The following CASK variants were observed in gnomAD, a reference collection of about 807,000 sequenced individuals.
CASK encodes calcium/calmodulin dependent serine protein kinase, also known as peripheral plasma membrane protein CASK.
Under a neutral mutation model 82.9 loss-of-function variants are expected in CASK, and 4 were observed. That is an observed-to-expected ratio of 0.05 (90% CI 0.02 to 0.11). CASK has a LOEUF of 0.11. CASK is among the 10% of genes least tolerant of loss of function. The pLI is 1.00. For synonymous variants in CASK, 259 were observed against 253.5 expected (o/e 1.02, Z -0.20); for missense variants, 358 against 720.9 (o/e 0.50, Z 5.76).
At chrX:41,912,280 A>G (rs1385782634) in intron 1 of CASK, among the ~76,000 whole-genome samples, 2 of 100,774 alleles carry the variant, frequency 2.0e-5, no homozygotes, top group Non-Finnish European at 4.0e-5. Context: ...CTCACTGGAC[A>G]GTTTTTTTGT....
chrX:41,652,698 T>C (rs1169396130), intron 8 of CASK, among the ~76,000 whole-genome samples: 1 of 112,116 alleles, frequency 8.9e-6, no homozygotes, highest in African/African-American at 3.2e-5. Context: ...AGTTTCCGGA[T>C]AGCTGCACAC....
chrX:41,564,802 C>A (rs775229185), intron 16 of CASK, among the ~76,000 whole-genome samples: 1 of 111,447 alleles, frequency 9.0e-6, no homozygotes, highest in African/African-American at 3.3e-5. Context: ...CACCACACTG[C>A]ACTTATTCTA....
At chrX:41,881,341 A>G (rs1195252704) in intron 1 of CASK, among the ~76,000 whole-genome samples, 1 of 111,002 alleles carries the variant, frequency 9.0e-6, no homozygotes, top group Non-Finnish European at 1.9e-5. Flanking sequence ...AAGGTGAATC[A>G]CTCCCTTGAT....
intron 1 of CASK, among the ~76,000 whole-genome samples, chrX:41,875,252 C>G (rs2071790324): frequency 8.9e-6 from 1 of 112,026 alleles, no homozygotes; most frequent in Non-Finnish European, 1.9e-5. Context: ...CATGGAAATA[C>G]TCTTTGGTTT....
chrX:41,730,308 A>G (rs2068370721), intron 5 of CASK, among the ~76,000 whole-genome samples: 2 of 111,467 alleles, frequency 1.8e-5, no homozygotes, highest in Non-Finnish European at 3.8e-5. Flanking sequence ...ATTGCCCAAG[A>G]GCCATGTGTT....
rs188085172 is a variant in CASK at position 41,737,997 on chromosome X, C to T, written c.429+1387G>A. ...ATAACTGAAGAATACTTTTTTGAGA[C>T]GGAGTCTCGCTCTGTCGCCCAGGCT... On this transcript the variant is annotated intron_variant, in intron 5 of 26. Coordinates refer to ENST00000378163, the MANE Select transcript of CASK (RefSeq NM_001367721.1). Among the ~76,000 whole-genome samples the T allele has an allele frequency of 2.1e-3, 237 of 113,099 alleles. 4 individuals are homozygous for T. Among genetic ancestry groups the T allele is most frequent in the African/African-American group, 7.3e-3 (227 of 31,230 alleles).
intron 3 of CASK, among the ~76,000 whole-genome samples, chrX:41,767,519 A>T (rs1453608161): frequency 8.9e-6 from 1 of 111,958 alleles, no homozygotes; most frequent in Non-Finnish European, 1.9e-5. Context: ...TCCAGACTTT[A>T]CCTGGACTTC....
At chrX:41,873,459 A>C in intron 1 of CASK, among the ~76,000 whole-genome samples, 1 of 111,708 alleles carries the variant, frequency 9.0e-6, no homozygotes, top group Non-Finnish European at 1.9e-5. Context: ...CTGTTGTGCA[A>C]TTCATTGCAG....
chrX:41,555,556 A>C (rs1171218955), intron 20 of CASK, 44 bp downstream of exon 20: 2 of 1,034,240 alleles, frequency 1.9e-6, no homozygotes, highest in Non-Finnish European at 2.7e-6. Context: ...ATTGGCTATT[A>C]GCTGCTCAGT....
chrX:41,589,779 A>C, intron 12 of CASK, 187 bp from the exon 13 acceptor site: 1 of 402,518 alleles, frequency 2.5e-6, no homozygotes, highest in Non-Finnish European at 4.3e-6. Flanking sequence ...AGTCTTATGC[A>C]TATCTTTTCA....
intron 5 of CASK, among the ~76,000 whole-genome samples, chrX:41,737,464 C>T (rs1243669216): frequency 6.2e-5 from 7 of 112,175 alleles, no homozygotes; most frequent in East Asian, 5.6e-4. Context: ...TATCTCCCTA[C>T]TGAGACCATA....
At chrX:41,755,729 C>T (rs1046858595) in intron 3 of CASK, among the ~76,000 whole-genome samples, 7 of 111,541 alleles carry the variant, frequency 6.3e-5, no homozygotes, top group Non-Finnish European at 9.4e-5. Context: ...CCAAAATAAT[C>T]TAAGTTAAAA....
chrX:41,912,690 G>A (rs1252095766), intron 1 of CASK, among the ~76,000 whole-genome samples: 1 of 105,944 alleles, frequency 9.4e-6, no homozygotes, highest in African/African-American at 3.4e-5. Flanking sequence ...TAATCGCAGC[G>A]CTTTGGGAGG....
chrX:41,906,284 C>T (rs1399421328), intron 1 of CASK, among the ~76,000 whole-genome samples: 1 of 111,952 alleles, frequency 8.9e-6, no homozygotes, highest in Non-Finnish European at 1.9e-5. Context: ...AGAATCCTGA[C>T]CTAATGAAGC....
intron 2 of CASK, among the ~76,000 whole-genome samples, chrX:41,848,345 A>G (rs1250612972): frequency 2.7e-5 from 3 of 112,136 alleles, no homozygotes; most frequent in African/African-American, 9.7e-5. Flanking sequence ...AGGGGGGTGG[A>G]TCCCTCATGA....
At chrX:41,690,676 T>TA (rs767358042) in intron 5 of CASK, among the ~76,000 whole-genome samples, 51 of 99,964 alleles carry the variant, frequency 5.1e-4, no homozygotes, top group East Asian at 4.2e-3. Flanking sequence ...TTTTTTTTTT[T>TA]ATGTTCTTTT....
chrX:41,621,033 C>T (rs769632123), intron 11 of CASK, among the ~76,000 whole-genome samples: 1 of 110,559 alleles, frequency 9.0e-6, no homozygotes, highest in African/African-American at 3.3e-5. Flanking sequence ...TATTAAGTAC[C>T]CACTCGTGTA....
chrX:41,783,439 C>T (rs778035053), intron 3 of CASK, among the ~76,000 whole-genome samples: 12 of 107,481 alleles, frequency 1.1e-4, no homozygotes, highest in Admixed American at 2.0e-4. Context: ...GTGACCTGTG[C>T]CTGGGAGGCT....
rs186295570 is a variant in CASK, at chrX:41,563,976, A to G, written c.1583-2332T>C. On this transcript the variant is annotated intron_variant, in intron 16 of 26. Transcript: ENST00000378163. Reference sequence around the variant, plus strand: ...TAACTTTGAAACTAAAATCAGAGAAATACAAGAGAGGAAAATTAACTACGG... The same window carrying G: ...TAACTTTGAAACTAAAATCAGAGAAGTACAAGAGAGGAAAATTAACTACGG... Among the ~76,000 whole-genome samples the G allele has an allele frequency of 5.4e-5, 6 of 112,054 alleles. No individual in the cohort carries two copies. The Admixed American group carries it at 5.7e-4, about 11-fold the overall frequency.
Sources: allele counts gnomAD v4.1 joint callset (sites outside exome capture counted in the v4.1 genomes callset), GRCh38; gene constraint gnomAD v4.1.1; transcripts MANE v1.5; gene names NCBI Gene and HGNC (gene_info 2026-07-23, HGNC 2026-07-21).